Variants in MTAP observed in about 807,000 individuals in gnomAD.
The protein encoded by MTAP is S-methyl-5'-thioadenosine phosphorylase.
Under a neutral mutation model 33.6 loss-of-function variants are expected in MTAP, and 33 were observed. The ratio of observed to expected loss-of-function variants is 0.98; its 90% CI spans 0.74 to 1.31. The LOEUF is 1.31. Among genes scored for constraint, MTAP ranks in the 40% most tolerant of loss-of-function variants. MTAP has a pLI of 0.00. For missense variants in MTAP, 367 were observed against 360.0 expected (o/e 1.02, Z -0.16); for synonymous variants, 148 against 125.7 (o/e 1.18, Z -1.19).
At chr9:21,868,208 G>T (rs1587263364), downstream of MTAP, among the ~76,000 whole-genome samples, 1 of 152,140 alleles carries the variant, frequency 6.6e-6, no homozygotes, top group Non-Finnish European at 1.5e-5. Flanking sequence ...TTTAAGGAAT[G>T]GATACTAGAG....
At chr9:21,939,230 T>A (rs149748752), downstream of MTAP, among the ~76,000 whole-genome samples, 482 of 152,294 alleles carry the variant, frequency 3.2e-3, 4 homozygotes, top group African/African-American at 0.01. Context: ...TAAGTCCAAT[T>A]AAACCTCTTT....
chr9:21,829,588 A>G (rs1824916465), intron 4 of MTAP, among the ~76,000 whole-genome samples: 1 of 151,824 alleles, frequency 6.6e-6, no homozygotes, highest in African/African-American at 2.4e-5. Flanking sequence ...AGAACCACAC[A>G]CATTGGCCTA....
At chr9:21,833,638 C>T (rs886506414) in intron 4 of MTAP, among the ~76,000 whole-genome samples, 2 of 152,098 alleles carry the variant, frequency 1.3e-5, no homozygotes, top group Non-Finnish European at 2.9e-5. Context: ...TATGAGCAGC[C>T]GTTATTCTGC....
chr9:21,862,521 G>A lies in MTAP; in HGVS notation c.*507G>A, dbSNP rs1825774477. On this transcript the variant is annotated 3_prime_UTR_variant, in exon 8 of 8. Transcript: ENST00000644715. ...AATTTCTCTTTAAAACCATATCAGA[G>A]ATGCATACAAAGAATTATATATAAA... 2 of 152,366 alleles carry A rather than the reference G, an allele frequency of 1.3e-5. No homozygotes were observed. Among genetic ancestry groups the A allele is most frequent in the Admixed American group, 6.5e-5 (1 of 15,288 alleles). The allele number at this position is 152,366 out of a possible 1,614,324, so 9.4% of individuals were successfully genotyped here.
At position 21,864,887 on chromosome 9, in the gene MTAP, CA is replaced by C; in HGVS notation, c.*2875del. ...CCTCAGGGCATGGTTGTGGCCCCAC[CA>C]ACACCTATTTTCCAAATAATTATTC... On this transcript the variant is annotated 3_prime_UTR_variant, in exon 8 of 8. Transcript: ENST00000644715. 1.0e-6 allele frequency: 1 copy of C among 985,446 alleles called. No homozygotes were observed. Among genetic ancestry groups the C allele is most frequent in the South Asian group, 4.7e-5 (1 of 21,284 alleles). The allele number at this position is 985,446 out of a possible 1,614,324, so 61.0% of individuals were successfully genotyped here.
At chr9:21,853,965 C>T (rs945262040) in intron 5 of MTAP, among the ~76,000 whole-genome samples, 4 of 152,026 alleles carry the variant, frequency 2.6e-5, no homozygotes, top group Non-Finnish European at 4.4e-5. Flanking sequence ...TTAAATAAAA[C>T]ACTGGAGAAA....
At chr9:21,803,782 C>A (rs371384820) in intron 1 of MTAP, among the ~76,000 whole-genome samples, 2 of 152,094 alleles carry the variant, frequency 1.3e-5, no homozygotes, top group Non-Finnish European at 2.9e-5. Context: ...GGTCTGCGAT[C>A]TTCTCCAAAG....
chr9:21,866,093 G>C lies in MTAP; in HGVS notation c.*4079G>C, dbSNP rs1335267046. 1 of 152,096 alleles carries C rather than the reference G, an allele frequency of 6.6e-6. No individual in the cohort carries two copies. The highest frequency in any genetic ancestry group is 1.5e-5 in the Non-Finnish European group (1 of 68,094). 9.4% of individuals were successfully genotyped at this position (152,096 alleles called of 1,614,324 possible). On this transcript the variant is annotated 3_prime_UTR_variant, in exon 8 of 8. Transcript: ENST00000644715. ...CGTTTTTAATTTTAGCCATTCTATTGGGTATATTTTGATATCTCGTGGTTT... is the reference window on the plus strand; with the variant it reads ...CGTTTTTAATTTTAGCCATTCTATTCGGTATATTTTGATATCTCGTGGTTT...
rs117175095 is a variant in MTAP at position 21,919,251 on chromosome 9, G to A, written c.148-11757G>A. 6.4e-3 allele frequency among the ~76,000 whole-genome samples: 969 copies of A among 152,232 alleles called. 6 individuals carry two copies. The highest frequency in any genetic ancestry group is 9.7e-3 in the Non-Finnish European group (657 of 67,992). On this transcript the variant is annotated intron_variant, in intron 1 of 1. Transcript: ENST00000577563. ...ATAAAAATATGAATTAACAAAAAAT[G>A]AAACCCATCACCCACATTCAATTGT...
At position 21,866,333 on chromosome 9, in the gene MTAP, T is replaced by C. The variant is rs563542059; in HGVS notation, c.*4319T>C. 6.6e-6 allele frequency: 1 copy of C among 152,324 alleles called. No homozygotes were observed. Among genetic ancestry groups the C allele is most frequent in the Non-Finnish European group, 1.5e-5 (1 of 68,020 alleles). 9.4% of individuals were successfully genotyped at this position (152,324 alleles called of 1,614,324 possible). On this transcript the variant is annotated 3_prime_UTR_variant, in exon 8 of 8. Coordinates refer to ENST00000644715, the MANE Select transcript of MTAP (RefSeq NM_002451.4). ...ACTATTCTTAGTCTTTAGCTTGCCTTTTCATTTTCTTAATTATGTCTTTCA... is the reference window on the plus strand; with the variant it reads ...ACTATTCTTAGTCTTTAGCTTGCCTCTTCATTTTCTTAATTATGTCTTTCA...
At position 21,859,397 on chromosome 9, in the gene MTAP, A is replaced by G; in HGVS notation, c.785A>G (p.Glu262Gly). The G allele has an allele frequency of 6.2e-7, 1 of 1,613,288 alleles. No homozygotes were observed. Among genetic ancestry groups the G allele is most frequent in the Non-Finnish European group, 8.5e-7 (1 of 1,179,648 alleles). ...LTTIPQIGST[E>G]WSETLHNLKN... is the part of the protein sequence containing the mutation. The stretch of plus-strand genomic sequence containing the variant: ...ACCATACCTCAGATAGGGTCCACAG[A>G]ATGGTCAGAAACCCTCCATAACCTG... Residue 262 changes from glutamate (E) to glycine (G), a missense_variant, in exon 7 of 8, where the codon GAA (glutamate) becomes GGA (glycine). Physicochemically the swap from Glu to Gly is moderately conservative, Grantham distance 98. Transcript: ENST00000644715.
chr9:21,863,968 G>A lies in MTAP; in HGVS notation c.*1954G>A. Reference sequence around the variant, plus strand: ...TGGTTATCCATTAGCAATCTGTAGAGAACTTAATGAACCTGAACCCAGGCT... The same window carrying A: ...TGGTTATCCATTAGCAATCTGTAGAAAACTTAATGAACCTGAACCCAGGCT... On this transcript the variant is annotated 3_prime_UTR_variant, in exon 8 of 8. Transcript: ENST00000644715. 1.0e-6 allele frequency: 1 copy of A among 985,804 alleles called. No homozygotes were observed. Among genetic ancestry groups the A allele is most frequent in the Non-Finnish European group, 1.2e-6 (1 of 829,924 alleles). 61.1% of individuals were successfully genotyped at this position (985,804 alleles called of 1,614,324 possible). A position where few individuals can be genotyped will look rare whatever the true frequency, so the allele number is the denominator to read the frequency against.
intron 5 of MTAP, among the ~76,000 whole-genome samples, chr9:21,838,313 G>T (rs956547415): frequency 2.6e-5 from 4 of 152,144 alleles, no homozygotes; most frequent in African/African-American, 9.7e-5. Context: ...ATGCAGTCTG[G>T]AGCCAGATTA....
intron 1 of MTAP, among the ~76,000 whole-genome samples, chr9:21,806,892 G>A (rs773468739): frequency 6.6e-6 from 1 of 152,154 alleles, no homozygotes; most frequent in South Asian, 2.1e-4. Context: ...GGCCAGGCGC[G>A]GTGGCTCATG....
chr9:21,859,184 G>C, intron 6 of MTAP, 119 bp from the exon 7 acceptor site: 1 of 1,432,218 alleles, frequency 7.0e-7, no homozygotes, highest in South Asian at 1.4e-5. Context: ...GGTTTCAGCA[G>C]ATAAATTTGA....
chr9:21,805,955 G>A (rs977871522), intron 1 of MTAP, among the ~76,000 whole-genome samples: 9 of 152,182 alleles, frequency 5.9e-5, no homozygotes, highest in African/African-American at 1.9e-4. Flanking sequence ...CCAAGATGTC[G>A]CAGAAGTGAG....
intron 4 of MTAP, among the ~76,000 whole-genome samples, chr9:21,825,512 C>A (rs1824771437): frequency 6.6e-6 from 1 of 152,284 alleles, no homozygotes; most frequent in Non-Finnish European, 1.5e-5. Context: ...GTCACATCCT[C>A]ATCAACACTT....
At position 21,862,117 on chromosome 9, in the gene MTAP, T is replaced by G; in HGVS notation, c.*103T>G. 1 of 1,594,722 alleles carries G rather than the reference T, an allele frequency of 6.3e-7. No homozygotes were observed. Among genetic ancestry groups the G allele is most frequent in the Non-Finnish European group, 8.5e-7 (1 of 1,171,928 alleles). ...ATATGGGAAAGACATGCAGCTTTCA[T>G]GCCCTTGCCTATCAAAGAGTATGTT... On this transcript the variant is annotated 3_prime_UTR_variant, in exon 8 of 8. Coordinates refer to ENST00000644715, the MANE Select transcript of MTAP (RefSeq NM_002451.4).
chr9:21,936,503 T>C (rs1477624086), exon 8 of MTAP: 1 of 152,254 alleles, frequency 6.6e-6, no homozygotes, highest in East Asian at 1.9e-4. Flanking sequence ...AATATTTAGA[T>C]CATTTCCAAA....
Sources: allele counts gnomAD v4.1 joint callset (sites outside exome capture counted in the v4.1 genomes callset), GRCh38; gene constraint gnomAD v4.1.1; transcripts MANE v1.5; gene names NCBI Gene and HGNC (gene_info 2026-07-23, HGNC 2026-07-21).